The following VPS13B variants were observed in gnomAD, a reference collection of about 807,000 sequenced individuals.
VPS13B encodes vacuolar protein sorting 13 homolog B, also known as intermembrane lipid transfer protein VPS13B.
Under a neutral mutation model 426.4 loss-of-function variants are expected in VPS13B, and 285 were observed. The observed-to-expected ratio is 0.67, with a 90% CI of 0.61 to 0.74. VPS13B has a LOEUF of 0.74. Among genes scored for constraint, VPS13B ranks in the 30% least tolerant of loss-of-function variants. The pLI, the probability that VPS13B is intolerant of heterozygous loss-of-function variation, is 0.00. For synonymous variants in VPS13B, 1,676 were observed against 1,676.4 expected (o/e 1.00, Z 0.01); for missense variants, 4,537 against 4,782.6 (o/e 0.95, Z 1.51).
intron 21 of VPS13B, among the ~76,000 whole-genome samples, chr8:99,422,574 A>G (rs1816434439): frequency 6.6e-6 from 1 of 152,150 alleles, no homozygotes; most frequent in Admixed American, 6.5e-5. Context: ...TCTGTATTTT[A>G]AGCTAATTAT....
At chr8:99,229,775 C>T (rs766689571) in intron 17 of VPS13B, among the ~76,000 whole-genome samples, 3 of 152,078 alleles carry the variant, frequency 2.0e-5, no homozygotes, top group Non-Finnish European at 4.4e-5. Context: ...TACTCTAAAG[C>T]CTTGCAAGCC....
chr8:99,390,218 C>A (rs939848898), intron 20 of VPS13B, among the ~76,000 whole-genome samples: 39 of 152,130 alleles, frequency 2.6e-4, no homozygotes, highest in Admixed American at 2.5e-3. Flanking sequence ...CTGCCTCAGC[C>A]TCCCGAGTAG....
chr8:99,346,043 T>G, intron 19 of VPS13B: 1 of 153,606 alleles, frequency 6.5e-6, no homozygotes, highest in East Asian at 1.9e-4. Context: ...GAGCAGTGGT[T>G]GGATGAGCTT....
intron 33 of VPS13B, among the ~76,000 whole-genome samples, chr8:99,587,441 A>G (rs1300091975): frequency 6.6e-6 from 1 of 151,690 alleles, no homozygotes; most frequent in Non-Finnish European, 1.5e-5. Context: ...TCCCACCAAC[A>G]GTGTAAAAGT....
chr8:99,584,206 G>C (rs1253766807), intron 33 of VPS13B, among the ~76,000 whole-genome samples: 1 of 152,096 alleles, frequency 6.6e-6, no homozygotes, highest in Non-Finnish European at 1.5e-5. Context: ...GGATTTCTTA[G>C]GTACATTGAA....
At chr8:99,014,684 A>G (rs979799524) in intron 2 of VPS13B, among the ~76,000 whole-genome samples, 5 of 148,464 alleles carry the variant, frequency 3.4e-5, no homozygotes, top group Non-Finnish European at 5.9e-5. Flanking sequence ...GGGTCGAGGA[A>G]AAAAAGACAA....
intron 55 of VPS13B, among the ~76,000 whole-genome samples, chr8:99,850,699 G>A (rs1022594128): frequency 6.6e-6 from 1 of 152,176 alleles, no homozygotes; most frequent in Non-Finnish European, 1.5e-5. Context: ...GCCGAGGTGG[G>A]TGGATCACCT....
chr8:99,871,340 A>T, intron 60 of VPS13B, 108 bp from the exon 61 acceptor site: 2 of 1,535,026 alleles, frequency 1.3e-6, no homozygotes, highest in Non-Finnish European at 1.8e-6. Flanking sequence ...TGGATTGGTG[A>T]GGGCCCTTTG....
Position 99,635,286 on chromosome 8 carries a change from A to G in VPS13B, c.5221-6525A>G, listed in dbSNP as rs181662257. Among the ~76,000 whole-genome samples the G allele has an allele frequency of 4.2e-3, 635 of 152,128 alleles. 5 individuals are homozygous for G. Among genetic ancestry groups the G allele is most frequent in the South Asian group, 8.3e-3 (40 of 4,826 alleles). On this transcript the variant is annotated intron_variant, in intron 33 of 61. Transcript: ENST00000357162. ...ATTAGGATGAAGATCACAGTTATAT[A>G]TAGATGTGATTGTCACTTTGATTCT...
chr8:99,612,321 A>G (rs1215199759), intron 33 of VPS13B, among the ~76,000 whole-genome samples: 1 of 152,204 alleles, frequency 6.6e-6, no homozygotes, highest in Non-Finnish European at 1.5e-5. Context: ...ATAAAAAAGA[A>G]AGTAAAAGTA....
intron 33 of VPS13B, among the ~76,000 whole-genome samples, chr8:99,590,167 TG>T (rs1826546610): frequency 6.6e-6 from 1 of 152,214 alleles, no homozygotes; most frequent in African/African-American, 2.4e-5. Flanking sequence ...TCTATTTCTG[TG>T]GGATCAGTGG....
chr8:99,151,800 TGGGTTTATA>T (rs1811094489), intron 14 of VPS13B, among the ~76,000 whole-genome samples: 1 of 152,180 alleles, frequency 6.6e-6, no homozygotes, highest in African/African-American at 2.4e-5. Context: ...CCCGAAGTAC[TGGGTTTATA>T]GGCGTGAGCT....
intron 15 of VPS13B, among the ~76,000 whole-genome samples, chr8:99,158,668 C>T (rs1327914397): frequency 1.3e-5 from 2 of 152,178 alleles, no homozygotes; most frequent in Admixed American, 6.5e-5. Context: ...ACAACAAAGC[C>T]TCAATGACAG....
chr8:99,413,690 C>T (rs1414149145), intron 21 of VPS13B, among the ~76,000 whole-genome samples: 1 of 151,870 alleles, frequency 6.6e-6, no homozygotes, highest in East Asian at 1.9e-4. Flanking sequence ...TATTATTTAC[C>T]CAGTAGTCAT....
At chr8:99,588,589 G>A (rs1488431498) in intron 33 of VPS13B, among the ~76,000 whole-genome samples, 1 of 151,578 alleles carries the variant, frequency 6.6e-6, no homozygotes, top group Non-Finnish European at 1.5e-5. Context: ...ACTGTGAATG[G>A]GAGTTCACTC....
chr8:99,249,427 GT>G (rs35700362), intron 17 of VPS13B, among the ~76,000 whole-genome samples: 89,979 of 117,558 alleles, frequency 0.77, 34,047 homozygotes, highest in South Asian at 0.83. Flanking sequence ...TAGTTGAATG[GT>G]TTTTTTTTTT....
intron 19 of VPS13B, among the ~76,000 whole-genome samples, chr8:99,285,526 A>G (rs922844618): frequency 6.6e-6 from 1 of 152,116 alleles, no homozygotes; most frequent in African/African-American, 2.4e-5. Flanking sequence ...AATACGGACT[A>G]TCTCATAATT....
chr8:99,868,395 G>T lies in VPS13B; in HGVS notation c.11322G>T (p.Gly3774=). ...CCAAGGGTGTCATCTCGGGTGTGGG[G>T]AAAGGAATCATGGGGGTGTTCACAA... ...HKAKGVISGV[G]KGIMGVFTKP... The change falls in exon 59 of 62, where the codon GGG becomes GGT. Residue 3774 remains glycine (G), a synonymous_variant. Coordinates refer to ENST00000357162, the MANE Select transcript of VPS13B (RefSeq NM_152564.5). The T allele has an allele frequency of 6.2e-7, 1 of 1,614,170 alleles. No homozygotes were observed. Among genetic ancestry groups the T allele is most frequent in the Non-Finnish European group, 8.5e-7 (1 of 1,180,036 alleles).
intron 36 of VPS13B, 26 bp from the exon 37 acceptor site, chr8:99,717,145 T>C (rs1442718214): frequency 3.8e-6 from 6 of 1,581,206 alleles, no homozygotes; most frequent in South Asian, 1.1e-5. Flanking sequence ...GGATGAATTA[T>C]ATACTCTTCT....
Sources: gnomAD v4.1 joint callset for allele counts (sites outside exome capture counted in the v4.1 genomes callset) on GRCh38, gnomAD v4.1.1 for gene constraint, MANE v1.5 for transcripts, NCBI Gene and HGNC (gene_info 2026-07-23, HGNC 2026-07-21) for gene names.